Variants in FAT3 observed in about 807,000 individuals in gnomAD.
The protein encoded by FAT3 is FAT atypical cadherin 3.
Under a neutral mutation model 310.2 loss-of-function variants are expected in FAT3, and 95 were observed. The ratio of observed to expected loss-of-function variants is 0.31; its 90% CI spans 0.26 to 0.36. FAT3 has a LOEUF of 0.36. FAT3 is among the 10% of genes least tolerant of loss of function. FAT3 has a pLI of 1.00. For missense variants in FAT3, 5,408 were observed against 5,715.6 expected (o/e 0.95, Z 1.74); for synonymous variants, 2,314 against 2,192.9 (o/e 1.06, Z -1.54).
intron 3 of FAT3, among the ~76,000 whole-genome samples, chr11:92,628,673 T>C (rs1271717103): frequency 6.6e-6 from 1 of 152,262 alleles, no homozygotes; most frequent in Non-Finnish European, 1.5e-5. Context: ...GGTGTTTCCA[T>C]GGAAAAAGCG....
At chr11:92,745,467 T>G (rs897501826) in intron 4 of FAT3, among the ~76,000 whole-genome samples, 26 of 151,530 alleles carry the variant, frequency 1.7e-4, no homozygotes, top group African/African-American at 5.6e-4. Context: ...TAGTTCCTGC[T>G]GATAGGGAAG....
At position 92,866,952 on chromosome 11, in the gene FAT3, A is replaced by G; in HGVS notation, c.11870A>G (p.Tyr3957Cys). 2 of 1,613,486 alleles carry G rather than the reference A, an allele frequency of 1.2e-6. No homozygotes were observed. Among genetic ancestry groups the G allele is most frequent in the Admixed American group, 1.7e-5 (1 of 60,004 alleles). ...FQTLSTESSI[Y>C]FGALVQADNI... is the part of the protein sequence containing the mutation. ...ACGCTGAGCACTGAGAGTAGCATCT[A>G]CTTCGGCGCCCTGGTGCAAGCGGAT... The change falls in exon 22 of 28, where the codon TAC becomes TGC. Residue 3957 changes from tyrosine to cysteine, a missense_variant. Coordinates refer to ENST00000525166, the MANE Select transcript of FAT3 (RefSeq NM_001367949.2).
At position 92,790,021 on chromosome 11, in the gene FAT3, G is replaced by A; in HGVS notation, c.4414G>A (p.Asp1472Asn). The A allele has an allele frequency of 6.2e-7, 1 of 1,613,816 alleles. No individual in the cohort carries two copies. The highest frequency in any genetic ancestry group is 8.5e-7 in the Non-Finnish European group (1 of 1,179,752). Reference protein sequence around the residue: ...QPNYDVTISEDVLPDTEILQI... With the variant: ...QPNYDVTISENVLPDTEILQI... The stretch of plus-strand genomic sequence containing the variant: ...GAATTACGATGTGACAATTTCCGAG[G>A]ATGTGCTTCCAGACACGGAGATCCT... Residue 1472 changes from aspartate to asparagine, a missense_variant, in exon 8 of 28, where the codon GAT becomes AAT. Transcript: ENST00000525166.
In FAT3 at chr11:92,869,269, C is replaced by T. The variant is rs138619437; in HGVS notation, c.12127+2060C>T. ...TTGAGGGAGCCCTGCAGGAGCATCC[C>T]GCACCAAGGCTACTCCCAAGCCTAG... On this transcript the variant is annotated intron_variant, in intron 22 of 27. Transcript: ENST00000525166. Among the ~76,000 whole-genome samples the T allele has an allele frequency of 5.3e-3, 810 of 152,334 alleles. 1 individual carries two copies. Among genetic ancestry groups the T allele is most frequent in the Non-Finnish European group, 9.5e-3 (645 of 68,028 alleles).
chr11:92,260,796 A>G (rs1262147205), intron 1 of FAT3, among the ~76,000 whole-genome samples: 2 of 152,136 alleles, frequency 1.3e-5, no homozygotes, highest in Non-Finnish European at 2.9e-5. Context: ...CTCTTTAATA[A>G]GTCAAAGTGG....
chr11:92,616,017 A>G (rs1940787079), intron 3 of FAT3, among the ~76,000 whole-genome samples: 2 of 152,048 alleles, frequency 1.3e-5, no homozygotes, highest in African/African-American at 4.8e-5. Flanking sequence ...GCTGAGTTCA[A>G]TTCCTGGGTA....
chr11:92,758,834 A>G (rs1182773958), intron 4 of FAT3, among the ~76,000 whole-genome samples: 1 of 152,106 alleles, frequency 6.6e-6, no homozygotes, highest in Non-Finnish European at 1.5e-5. Context: ...AATTGGATAT[A>G]GATAGTTAGA....
intron 13 of FAT3, among the ~76,000 whole-genome samples, chr11:92,819,121 A>G (rs564589399): frequency 1.7e-3 from 257 of 152,256 alleles, no homozygotes; most frequent in Admixed American, 3.5e-3. Context: ...GGGTTAAGTA[A>G]CTTGCCCTGA....
chr11:92,427,136 C>G (rs531424639), intron 2 of FAT3, among the ~76,000 whole-genome samples: 2 of 152,230 alleles, frequency 1.3e-5, no homozygotes, highest in South Asian at 4.1e-4. Flanking sequence ...CACTTTGTAG[C>G]AATTGTGAAT....
chr11:92,768,383 C>T (rs1044246995), intron 6 of FAT3, among the ~76,000 whole-genome samples: 5 of 152,186 alleles, frequency 3.3e-5, no homozygotes, highest in Admixed American at 2.6e-4. Context: ...TTTATTTCAG[C>T]GCAGAAGTAA....
intron 3 of FAT3, among the ~76,000 whole-genome samples, chr11:92,644,066 T>C (rs1200247634): frequency 6.6e-6 from 1 of 152,252 alleles, no homozygotes; most frequent in Non-Finnish European, 1.5e-5. Context: ...CCTGGGTGCC[T>C]CTGCTGCTGC....
intron 25 of FAT3, among the ~76,000 whole-genome samples, 151 bp downstream of exon 25, chr11:92,887,264 T>C (rs540903982): frequency 1.3e-5 from 2 of 152,148 alleles, no homozygotes; most frequent in Non-Finnish European, 2.9e-5. Flanking sequence ...TTTACTCCAT[T>C]GTTGGGTGTC....
At chr11:92,232,266 T>TAAA in intron 1 of FAT3, among the ~76,000 whole-genome samples, 1 of 149,034 alleles carries the variant, frequency 6.7e-6, no homozygotes, top group South Asian at 2.1e-4. Context: ...ACTTTCCACT[T>TAAA]AAAAAAAAAA....
At chr11:92,351,298 A>G (rs1948558947) in intron 1 of FAT3, among the ~76,000 whole-genome samples, 1 of 152,208 alleles carries the variant, frequency 6.6e-6, no homozygotes, top group Non-Finnish European at 1.5e-5. Context: ...TTTAAAAGTA[A>G]GCACAATAAA....
intron 7 of FAT3, among the ~76,000 whole-genome samples, chr11:92,780,151 A>G (rs1591721689): frequency 7.5e-6 from 1 of 133,750 alleles, no homozygotes; most frequent in South Asian, 2.5e-4. Flanking sequence ...GTTTATGGTA[A>G]CTTTTTTTTT....
chr11:92,786,587 A>G (rs1946899574), intron 7 of FAT3, among the ~76,000 whole-genome samples: 2 of 152,178 alleles, frequency 1.3e-5, no homozygotes, highest in African/African-American at 4.8e-5. Flanking sequence ...CAAAAAATCT[A>G]GAAGTCTTAC....
rs1321803507 is a variant in FAT3 at position 92,878,665 on chromosome 11, AAAG to A, written c.12128-2065_12128-2063del. Among the ~76,000 whole-genome samples, 190 of 69,882 alleles carry A rather than the reference AAAG, an allele frequency of 2.7e-3. 32 individuals carry two copies. The highest frequency in any genetic ancestry group is 0.022 in the East Asian group (43 of 1,956). 45.8% of individuals were successfully genotyped at this position (69,882 alleles called of 152,430 possible). A position where few individuals can be genotyped will look rare whatever the true frequency, so the allele number is the denominator to read the frequency against. The stretch of plus-strand genomic sequence containing the variant: ...AAAAAAAAAAAAAAAAAAAAAAAAA[AAAG>A]CTCCGCACAAAAAAAGTTCTTGGAA... On this transcript the variant is annotated intron_variant, in intron 22 of 27. Transcript: ENST00000525166.
At chr11:92,612,974 G>A (rs1473338508) in intron 3 of FAT3, among the ~76,000 whole-genome samples, 1 of 152,178 alleles carries the variant, frequency 6.6e-6, no homozygotes, top group Non-Finnish European at 1.5e-5. Context: ...GGGAGGAAAA[G>A]ACTGAGTAAT....
chr11:92,677,383 G>A lies in FAT3; in HGVS notation c.3608-20001G>A, dbSNP rs181831504. ...GCTCTGATAGTCTCATTTGCAAGAG[G>A]CTAAAATGAACTCTGAGATTTGAAT... is the stretch of plus-strand genomic sequence containing the variant. On this transcript the variant is annotated intron_variant, in intron 3 of 27. Coordinates refer to ENST00000525166, the MANE Select transcript of FAT3 (RefSeq NM_001367949.2). 5.3e-5 allele frequency among the ~76,000 whole-genome samples: 8 copies of A among 152,328 alleles called. No homozygotes were observed. In the East Asian group the frequency reaches 1.5e-3, roughly 29 times the overall value.
Sources: gnomAD v4.1 joint callset for allele counts (sites outside exome capture counted in the v4.1 genomes callset) on GRCh38, gnomAD v4.1.1 for gene constraint, MANE v1.5 for transcripts, NCBI Gene and HGNC (gene_info 2026-07-23, HGNC 2026-07-21) for gene names.